Variants in TET2 observed in about 807,000 individuals in gnomAD.
TET2 encodes methylcytosine dioxygenase TET2.
In TET2, 299 loss-of-function variants were observed where a neutral mutation model predicts 142.9. The observed-to-expected ratio is 2.09, with a 90% CI of 1.90 to 2.30. TET2 has a LOEUF of 2.30. Among genes scored for constraint, TET2 ranks in the 30% most tolerant of loss-of-function variants. TET2 has a pLI of 0.00. For synonymous variants in TET2, 819 were observed against 849.0 expected (o/e 0.96, Z 0.61); for missense variants, 2,418 against 2,378.0 (o/e 1.02, Z -0.35).
At position 105,235,300 on chromosome 4, in the gene TET2, G is replaced by T; in HGVS notation, c.1358G>T (p.Gly453Val). The change falls in exon 3 of 11, where the codon GGT becomes GTT. Residue 453 changes from glycine (G) to valine (V), a missense_variant. Gly to Val is a moderately radical substitution (Grantham distance 109). Transcript: ENST00000380013. ...TTLLREVKIE[G>V]KPEAPPSQSP... ...CTTTTAAGGGAAGTGAAAATAGAGG[G>T]TAAACCTGAGGCACCACCTTCCCAG... 6.2e-7 allele frequency: 1 copy of T among 1,614,040 alleles called. No individual in the cohort carries two copies. Among genetic ancestry groups the T allele is most frequent in the Non-Finnish European group, 8.5e-7 (1 of 1,180,002 alleles).
At chr4:105,218,111 A>G (rs1240414693) in intron 2 of TET2, among the ~76,000 whole-genome samples, 1 of 152,102 alleles carries the variant, frequency 6.6e-6, no homozygotes, top group Non-Finnish European at 1.5e-5. Context: ...AATATTATTT[A>G]TGTCCACTGT....
At chr4:105,167,812 A>G (rs1351817356) in intron 1 of TET2, among the ~76,000 whole-genome samples, 1 of 152,188 alleles carries the variant, frequency 6.6e-6, no homozygotes, top group Admixed American at 6.5e-5. Context: ...CAGGTAATAG[A>G]AAAGGAGATA....
rs747350265 is a variant in TET2, at chr4:105,237,250, A to AT, written c.3312dup (p.Ile1105TyrfsTer25). 6.2e-7 allele frequency: 1 copy of AT among 1,614,102 alleles called. No homozygotes were observed. On this transcript the variant is annotated frameshift_variant, in exon 3 of 11. Transcript: ENST00000380013. LOFTEE classifies it high-confidence loss of function. The stretch of plus-strand genomic sequence containing the variant: ...AGAACAGCTGCTTCTGTTCTCAATA[A>AT]TTTTATAGAGTCACCTTCCAAATTA...
At chr4:105,192,739 C>T (rs180866717) in intron 2 of TET2, among the ~76,000 whole-genome samples, 14 of 152,112 alleles carry the variant, frequency 9.2e-5, no homozygotes, top group African/African-American at 3.4e-4. Flanking sequence ...GAGTAAGAGA[C>T]AGACACATAC....
chr4:105,239,605 T>A (rs568941264), intron 3 of TET2: 42 of 239,746 alleles, frequency 1.8e-4, no homozygotes, highest in African/African-American at 9.3e-4. Flanking sequence ...GGATTAAGCT[T>A]TGGCTTAAGG....
Position 105,233,833 on chromosome 4 carries a change from T to TATAGATAGATAG in TET2, c.-46-50_-46-39dup, listed in dbSNP as rs58201766. ...ATTCCTTAAGATATATTAGTATTTT[T>TATAGATAGATAG]ATAGATAGATAGATAGATAGATAGA... is the stretch of plus-strand genomic sequence containing the variant. On this transcript the variant is annotated intron_variant, in intron 2 of 10. Transcript: ENST00000380013. 2.4e-3 allele frequency: 1,890 copies of TATAGATAGATAG among 796,112 alleles called. 5 individuals carry two copies. Among genetic ancestry groups the TATAGATAGATAG allele is most frequent in the Middle Eastern group, 3.9e-3 (15 of 3,864 alleles). 49.3% of individuals were successfully genotyped at this position (796,112 alleles called of 1,614,324 possible).
chr4:105,189,263 G>A (rs1227384583), intron 1 of TET2, among the ~76,000 whole-genome samples: 2 of 152,016 alleles, frequency 1.3e-5, no homozygotes, highest in Admixed American at 6.6e-5. Flanking sequence ...CATATGTAGT[G>A]CATCTAGCAT....
At chr4:105,225,516 T>C (rs1489319858) in intron 2 of TET2, among the ~76,000 whole-genome samples, 1 of 152,142 alleles carries the variant, frequency 6.6e-6, no homozygotes, top group Non-Finnish European at 1.5e-5. Flanking sequence ...TTAGTGTTTT[T>C]CTCTCATACT....
chr4:105,222,485 A>C (rs529594523), intron 2 of TET2, among the ~76,000 whole-genome samples: 1 of 152,162 alleles, frequency 6.6e-6, no homozygotes, highest in African/African-American at 2.4e-5. Flanking sequence ...GCATTTTTTC[A>C]TGTGTCTTTT....
rs145457454 is a variant in TET2 at position 105,158,576 on chromosome 4, C to G, written c.-193+11597C>G. 7.2e-3 allele frequency among the ~76,000 whole-genome samples: 1,091 copies of G among 152,170 alleles called. 11 individuals are homozygous for G. Among genetic ancestry groups the G allele is most frequent in the African/African-American group, 0.025 (1,027 of 41,498 alleles). On this transcript the variant is annotated intron_variant, in intron 1 of 10. Transcript: ENST00000380013. Reference sequence around the variant, plus strand: ...AAATTATAACTTTGTAAATCATTTGCCTACTTAGTGTATATCTCTGGTTTT... The same window carrying G: ...AAATTATAACTTTGTAAATCATTTGGCTACTTAGTGTATATCTCTGGTTTT...
chr4:105,194,707 C>T (rs1167107118), intron 2 of TET2, among the ~76,000 whole-genome samples: 2 of 152,136 alleles, frequency 1.3e-5, no homozygotes, highest in Non-Finnish European at 2.9e-5. Context: ...ATACAGTGCT[C>T]TTCAAACTGT....
chr4:105,180,666 G>A (rs1725067421), intron 1 of TET2, among the ~76,000 whole-genome samples: 1 of 149,722 alleles, frequency 6.7e-6, no homozygotes, highest in Admixed American at 6.6e-5. Flanking sequence ...CTTGGAGACA[G>A]TCTCACTCTG....
At position 105,154,350 on chromosome 4, in the gene TET2, G is replaced by C. The variant is rs1340571096; in HGVS notation, c.-193+7371G>C. Among the ~76,000 whole-genome samples the C allele has an allele frequency of 3.9e-5, 6 of 152,310 alleles. No individual in the cohort carries two copies. In the South Asian group the frequency reaches 8.3e-4, roughly 21 times the overall value. ...GAGTTATTTGGTTTATTTTATGTCA[G>C]AAAATGTCTTACATCTCATGCAAAA... On this transcript the variant is annotated intron_variant, in intron 1 of 10. Coordinates refer to ENST00000380013, the MANE Select transcript of TET2 (RefSeq NM_001127208.3).
rs1006581652 is a variant in TET2 at position 105,244,126 on chromosome 4, C to A, written c.3803+348C>A. Among the ~76,000 whole-genome samples, 3 of 152,138 alleles carry A rather than the reference C, an allele frequency of 2.0e-5. No homozygotes were observed. In the East Asian group the frequency reaches 5.8e-4, roughly 29 times the overall value. On this transcript the variant is annotated intron_variant, in intron 6 of 10. Transcript: ENST00000380013. ...ATATTAGTATGTATTGACTCCACTT[C>A]CATGTTGCAGTATCTGAAACAGAAA...
chr4:105,242,984 A>G, intron 5 of TET2, 57 bp downstream of exon 5: 2 of 1,409,768 alleles, frequency 1.4e-6, no homozygotes, highest in Non-Finnish European at 2.0e-6. Flanking sequence ...TGATTTGTAA[A>G]TCTGACCCTG....
At chr4:105,205,675 A>T (rs1726773461) in intron 2 of TET2, among the ~76,000 whole-genome samples, 1 of 152,046 alleles carries the variant, frequency 6.6e-6, no homozygotes, top group African/African-American at 2.4e-5. Flanking sequence ...CTTGTTGCCT[A>T]GGCTGGAGTG....
At chr4:105,162,307 AG>A (rs1723896796) in intron 1 of TET2, among the ~76,000 whole-genome samples, 1 of 152,194 alleles carries the variant, frequency 6.6e-6, no homozygotes, top group Non-Finnish European at 1.5e-5. Flanking sequence ...TGAAGCCTGC[AG>A]TTGTTTATCA....
intron 10 of TET2, 106 bp from the exon 11 acceptor site, chr4:105,274,942 C>T (rs2110310478): frequency 7.3e-7 from 1 of 1,373,070 alleles, no homozygotes; most frequent in Non-Finnish European, 9.7e-7. Flanking sequence ...TGTCGTATAT[C>T]ACTAGTGGAG....
chr4:105,149,596 T>C (rs1216972818), intron 1 of TET2, among the ~76,000 whole-genome samples: 1 of 152,238 alleles, frequency 6.6e-6, no homozygotes, highest in Non-Finnish European at 1.5e-5. Context: ...GGTTATTGAA[T>C]TTTAGGAACA....
Sources: allele counts gnomAD v4.1 joint callset (sites outside exome capture counted in the v4.1 genomes callset), GRCh38; gene constraint gnomAD v4.1.1; transcripts MANE v1.5; gene names NCBI Gene and HGNC (gene_info 2026-07-23, HGNC 2026-07-21).